CFAP54: variants seen among roughly 807,000 people sequenced by gnomAD.
CFAP54 encodes cilia- and flagella-associated protein 54.
Under a neutral mutation model 370.4 loss-of-function variants are expected in CFAP54, and 290 were observed. The ratio of observed to expected loss-of-function variants is 0.78; its 90% confidence interval spans 0.71 to 0.86. The LOEUF (loss-of-function observed/expected upper bound fraction) is 0.86. Ranked by LOEUF, CFAP54 falls within the 40% of genes least tolerant of loss-of-function variation. The pLI is 0.00. For missense variants in CFAP54, 3,399 were observed against 3,528.7 expected (o/e 0.96, Z 0.93); for synonymous variants, 1,206 against 1,236.5 (o/e 0.98, Z 0.52).
intron 26 of CFAP54, among the ~76,000 whole-genome samples, chr12:96,615,341 T>C (rs1460659905): frequency 2.6e-5 from 4 of 152,178 alleles, no homozygotes; most frequent in Non-Finnish European, 5.9e-5. Flanking sequence ...CCCTTCCTTA[T>C]ACCTTACACA....
At chr12:96,630,772 A>G (rs945987823) in intron 32 of CFAP54, 121 bp downstream of exon 32, 3 of 463,262 alleles carry the variant, frequency 6.5e-6, no homozygotes, top group Non-Finnish European at 1.1e-5. Context: ...CCTTCAAGGA[A>G]CTTACATACT....
At chr12:96,873,421 G>A (rs1960214112) in intron 67 of CFAP54, among the ~76,000 whole-genome samples, 1 of 152,186 alleles carries the variant, frequency 6.6e-6, no homozygotes, top group South Asian at 2.1e-4. Flanking sequence ...GATTCCGGAG[G>A]TAAGGTGAGC....
intron 30 of CFAP54, 87 bp from the exon 31 acceptor site, chr12:96,630,006 T>C (rs1956588564): frequency 1.8e-6 from 1 of 553,720 alleles, no homozygotes; most frequent in Non-Finnish European, 3.1e-6. Context: ...TTGTATACTT[T>C]CAGTGAAAAC....
chr12:96,633,853 C>T (rs1956634676), intron 32 of CFAP54, among the ~76,000 whole-genome samples: 1 of 152,068 alleles, frequency 6.6e-6, no homozygotes, highest in South Asian at 2.1e-4. Flanking sequence ...TGTAAGGCAT[C>T]CTCCACTCTT....
At chr12:96,675,067 A>C (rs990102833) in intron 39 of CFAP54, among the ~76,000 whole-genome samples, 1 of 152,118 alleles carries the variant, frequency 6.6e-6, no homozygotes, top group Non-Finnish European at 1.5e-5. Flanking sequence ...CAATGGCAAC[A>C]AAAGCCAAAA....
intron 66 of CFAP54, among the ~76,000 whole-genome samples, chr12:96,849,281 AG>A (rs1159493329): frequency 2.6e-5 from 4 of 152,216 alleles, no homozygotes; most frequent in African/African-American, 9.7e-5. Flanking sequence ...CTGTGCTTTA[AG>A]GTTTTTGAAA....
intron 60 of CFAP54, among the ~76,000 whole-genome samples, chr12:96,776,141 A>G (rs1958516664): frequency 6.6e-6 from 1 of 152,122 alleles, no homozygotes; most frequent in Non-Finnish European, 1.5e-5. Context: ...TTTTTCAGGA[A>G]AATTAGTTAT....
chr12:96,783,898 AG>A lies in CFAP54; in HGVS notation c.8282-818del, dbSNP rs201953827. 2.8e-3 allele frequency among the ~76,000 whole-genome samples: 430 copies of A among 151,860 alleles called. 2 individuals are homozygous for A. Among genetic ancestry groups the A allele is most frequent in the African/African-American group, 9.8e-3 (405 of 41,436 alleles). On this transcript the variant is annotated intron_variant, in intron 60 of 67. Transcript: ENST00000524981. ...CGAAACTCCATCTCAAAAGAAAAAA[AG>A]AAAAGAAAAGTAAGAGTCAGAAAAT...
chr12:96,825,966 A>G (rs143246586), intron 65 of CFAP54, among the ~76,000 whole-genome samples: 4,370 of 142,480 alleles, frequency 0.031, 231 homozygotes, highest in African/African-American at 0.1. Context: ...TTAATATATA[A>G]CATAATATAT....
intron 26 of CFAP54, among the ~76,000 whole-genome samples, chr12:96,615,928 G>A (rs1158405242): frequency 6.6e-6 from 1 of 152,200 alleles, no homozygotes; most frequent in Non-Finnish European, 1.5e-5. Flanking sequence ...CTGTAAACTA[G>A]TTCAACCATT....
chr12:96,850,271 G>A (rs1592809312), intron 66 of CFAP54, among the ~76,000 whole-genome samples: 1 of 150,742 alleles, frequency 6.6e-6, no homozygotes. Context: ...CAGGACAATG[G>A]CCTCCCAGGA....
At position 96,625,827 on chromosome 12, in the gene CFAP54, A is replaced by G. The variant is rs955517688; in HGVS notation, c.3976+20A>G. Reference sequence around the variant, plus strand: ...AAGAAGGTAGGTGAACTGGATGTGTATATGCTGTTCACTCGATTTATCACT... The same window carrying G: ...AAGAAGGTAGGTGAACTGGATGTGTGTATGCTGTTCACTCGATTTATCACT... On this transcript the variant is annotated intron_variant, in intron 29 of 67. Coordinates refer to ENST00000524981, the MANE Select transcript of CFAP54 (RefSeq NM_001306084.2). 43 of 1,480,462 alleles carry G rather than the reference A, an allele frequency of 2.9e-5. No homozygotes were observed. The highest frequency in any genetic ancestry group is 3.5e-5 in the Non-Finnish European group (38 of 1,098,994). 91.7% of individuals were successfully genotyped at this position (1,480,462 alleles called of 1,614,324 possible). A position where few individuals can be genotyped will look rare whatever the true frequency, so the allele number is the denominator to read the frequency against.
At chr12:96,646,591 C>T (rs991390346) in intron 33 of CFAP54, 20 of 152,184 alleles carry the variant, frequency 1.3e-4, no homozygotes, top group Non-Finnish European at 2.1e-4. Context: ...ACCCAGCCAT[C>T]CCATTACTGG....
intron 65 of CFAP54, among the ~76,000 whole-genome samples, chr12:96,820,042 G>A (rs1343938050): frequency 6.6e-6 from 1 of 152,106 alleles, no homozygotes; most frequent in Non-Finnish European, 1.5e-5. Context: ...ACTTGCCATG[G>A]TGTGGGAATC....
chr12:96,714,595 C>G (rs1957653812), intron 48 of CFAP54, among the ~76,000 whole-genome samples: 1 of 151,962 alleles, frequency 6.6e-6, no homozygotes, highest in African/African-American at 2.4e-5. Context: ...AAGGAGTGAT[C>G]AATTGAATCA....
chr12:96,847,478 T>C (rs1326501665), intron 66 of CFAP54, among the ~76,000 whole-genome samples: 1 of 152,250 alleles, frequency 6.6e-6, no homozygotes, highest in Non-Finnish European at 1.5e-5. Flanking sequence ...TCACTCCCCC[T>C]ACCCCTTAGT....
At chr12:96,705,232 A>G (rs1298488974) in intron 47 of CFAP54, among the ~76,000 whole-genome samples, 3 of 152,184 alleles carry the variant, frequency 2.0e-5, no homozygotes, top group East Asian at 1.9e-4. Flanking sequence ...AGGAAACAGC[A>G]TTAAGTAAGG....
At chr12:96,749,039 A>G (rs971022026) in intron 55 of CFAP54, among the ~76,000 whole-genome samples, 2 of 152,182 alleles carry the variant, frequency 1.3e-5, no homozygotes, top group Non-Finnish European at 2.9e-5. Context: ...TAATTTCCTC[A>G]TCTCAAAAAT....
chr12:96,754,146 A>G (rs1371400981), intron 56 of CFAP54, among the ~76,000 whole-genome samples: 1 of 152,206 alleles, frequency 6.6e-6, no homozygotes, highest in Non-Finnish European at 1.5e-5. Context: ...GATTCTTCTT[A>G]CACAAAGTTT....
Sources: allele counts gnomAD v4.1 joint callset (sites outside exome capture counted in the v4.1 genomes callset), GRCh38; gene constraint gnomAD v4.1.1; transcripts MANE v1.5; gene names NCBI Gene and HGNC (gene_info 2026-07-23, HGNC 2026-07-21).